Variants in DMXL2 observed in about 807,000 individuals in gnomAD.
The protein encoded by DMXL2 is dmX-like protein 2.
In DMXL2, 103 loss-of-function variants were observed where a neutral mutation model predicts 331.1. The ratio of observed to expected loss-of-function variants is 0.31; its 90% CI spans 0.27 to 0.37. The LOEUF is 0.37. Among genes scored for constraint, DMXL2 ranks in the 10% least tolerant of loss-of-function variants. The pLI is 1.00. For missense variants in DMXL2, 3,171 were observed against 3,642.9 expected (o/e 0.87, Z 3.33); for synonymous variants, 1,281 against 1,252.1 (o/e 1.02, Z -0.49).
At chr15:51,566,979 C>A (rs2050328151) in intron 3 of DMXL2, 1 of 150,688 alleles carries the variant, frequency 6.6e-6, no homozygotes, top group Non-Finnish European at 1.5e-5. Context: ...GGTAAGTGAG[C>A]TTTTTAAACT....
intron 1 of DMXL2, among the ~76,000 whole-genome samples, chr15:51,599,336 T>A (rs1370903057): frequency 1.3e-5 from 2 of 152,226 alleles, no homozygotes; most frequent in African/African-American, 4.8e-5. Context: ...CCAGTTGTGT[T>A]CACTGCTACA....
intron 1 of DMXL2, among the ~76,000 whole-genome samples, chr15:51,578,997 C>T (rs963865325): frequency 1.3e-5 from 2 of 152,098 alleles, no homozygotes; most frequent in East Asian, 3.9e-4. Context: ...CCCAGCTACT[C>T]GGGAAGCTGA....
chr15:51,481,264 AACTTCCATTGCCATC>A lies in DMXL2; in HGVS notation c.5827_5841del (p.Asp1943_Ser1947del), dbSNP rs606231461. 215 of 1,613,956 alleles carry A rather than the reference AACTTCCATTGCCATC, an allele frequency of 1.3e-4. 1 individual carries two copies. In the African/African-American group the frequency reaches 2.5e-3, roughly 19 times the overall value. ...GTTACATTTGACCATTCAATGCCAG[AACTTCCATTGCCATC>A]ACTCAGAGCTTTTGAATGTGAAGGT... On this transcript the variant is annotated inframe_deletion, in exon 24 of 44. Transcript: ENST00000560891.
At chr15:51,530,408 A>G (rs944051689) in intron 13 of DMXL2, among the ~76,000 whole-genome samples, 4 of 152,128 alleles carry the variant, frequency 2.6e-5, no homozygotes, top group African/African-American at 9.7e-5. Flanking sequence ...TACAAATACC[A>G]GTAGCATTTC....
intron 34 of DMXL2, 141 bp downstream of exon 34, chr15:51,459,457 T>C (rs548067221): frequency 2.2e-4 from 119 of 537,324 alleles, no homozygotes; most frequent in Non-Finnish European, 4.9e-5. Flanking sequence ...TCTCCTCCCC[T>C]GTGCCACTGA....
chr15:51,448,589 A>T lies in DMXL2; in HGVS notation c.*395T>A, dbSNP rs1442036469. 7.9e-6 allele frequency: 2 copies of T among 253,836 alleles called. No individual in the cohort carries two copies. The highest frequency in any genetic ancestry group is 1.6e-5 in the Non-Finnish European group (2 of 128,920). 15.7% of individuals were successfully genotyped at this position (253,836 alleles called of 1,614,324 possible). On this transcript the variant is annotated 3_prime_UTR_variant, in exon 44 of 44. Transcript: ENST00000560891. ...ATTATCCTTCATTCAACAGAGGAGG[A>T]GACTGCAGGCATGCTTCAGTCAGTG...
intron 40 of DMXL2, chr15:51,454,132 T>G (rs2039402840): frequency 6.4e-6 from 1 of 156,136 alleles, no homozygotes. Context: ...CATTTCTGCA[T>G]AGACAAGGTA....
intron 1 of DMXL2, among the ~76,000 whole-genome samples, chr15:51,590,768 C>T (rs1391756377): frequency 6.6e-6 from 1 of 152,104 alleles, no homozygotes; most frequent in East Asian, 1.9e-4. Context: ...GTCTGTTGAG[C>T]AGTTACTCTA....
At position 51,450,101 on chromosome 15, in the gene DMXL2, C is replaced by T. The variant is rs757379229; in HGVS notation, c.8967+28G>A. 3.1e-6 allele frequency: 5 copies of T among 1,599,048 alleles called. No individual in the cohort carries two copies. In the African/African-American group the frequency reaches 6.7e-5, roughly 21 times the overall value. On this transcript the variant is annotated intron_variant, in intron 43 of 43. Coordinates refer to ENST00000560891, the MANE Select transcript of DMXL2 (RefSeq NM_001378457.1). ...TTTTCTCTTTCCAATCAGTCTTTAG[C>T]ACATTCCAACCTCTTGTACTGACTC...
intron 19 of DMXL2, among the ~76,000 whole-genome samples, chr15:51,494,263 C>A (rs563216333): frequency 1.6e-3 from 241 of 152,246 alleles, no homozygotes; most frequent in African/African-American, 5.5e-3. Context: ...TTTCAAAGAA[C>A]ATTCATAGGT....
chr15:51,607,442 C>T (rs983775725), intron 1 of DMXL2, among the ~76,000 whole-genome samples: 4 of 151,176 alleles, frequency 2.6e-5, no homozygotes, highest in African/African-American at 7.3e-5. Context: ...AGCGACAGAG[C>T]GAGACTCCGT....
Position 51,596,955 on chromosome 15 carries a change from A to G in DMXL2, c.88-20774T>C, listed in dbSNP as rs917073623. Among the ~76,000 whole-genome samples, 55 of 152,288 alleles carry G rather than the reference A, an allele frequency of 3.6e-4. 1 individual carries two copies. The highest frequency in any genetic ancestry group is 7.8e-4 in the Non-Finnish European group (53 of 68,026). ...AGGAGGGGGGTGGGATAGCATTAGG[A>G]GATATACCTAATGTTAAATGACAAG... On this transcript the variant is annotated intron_variant, in intron 1 of 43. Coordinates refer to ENST00000560891, the MANE Select transcript of DMXL2 (RefSeq NM_001378457.1).
chr15:51,458,065 A>C (rs189970049), intron 36 of DMXL2: 1 of 156,602 alleles, frequency 6.4e-6, no homozygotes, highest in Non-Finnish European at 1.4e-5. Flanking sequence ...TAAGAATGGC[A>C]AAACACTCTT....
chr15:51,595,745 G>A (rs1253247726), intron 1 of DMXL2, among the ~76,000 whole-genome samples: 1 of 152,148 alleles, frequency 6.6e-6, no homozygotes, highest in Non-Finnish European at 1.5e-5. Context: ...GAACAGAACA[G>A]AGCCCTCAGA....
intron 17 of DMXL2, among the ~76,000 whole-genome samples, 185 bp downstream of exon 17, chr15:51,502,621 C>T (rs1159647094): frequency 6.6e-6 from 1 of 152,036 alleles, no homozygotes; most frequent in East Asian, 1.9e-4. Flanking sequence ...CCGCACCCAG[C>T]CAGGAAATTA....
chr15:51,516,963 G>A (rs2047069795), intron 14 of DMXL2, 115 bp downstream of exon 14: 1 of 804,796 alleles, frequency 1.2e-6, no homozygotes, highest in South Asian at 1.7e-5. Flanking sequence ...AACATAAGTT[G>A]TCTGCATTTA....
chr15:51,526,129 GGA>G (rs2047660051), intron 13 of DMXL2, among the ~76,000 whole-genome samples: 1 of 134,728 alleles, frequency 7.4e-6, no homozygotes, highest in African/African-American at 2.7e-5. Context: ...GGAGGGGGAA[GGA>G]GAGAGAGGGA....
chr15:51,480,479 T>C (rs2041932227), intron 24 of DMXL2, 63 bp downstream of exon 24: 3 of 1,464,956 alleles, frequency 2.0e-6, no homozygotes, highest in South Asian at 1.6e-5. Flanking sequence ...TTTATAGCTA[T>C]AACTGGAAGA....
At position 51,499,077 on chromosome 15, in the gene DMXL2, T is replaced by TA. The variant is rs757964709; in HGVS notation, c.4146dup (p.Arg1383Ter). 6.2e-7 allele frequency: 1 copy of TA among 1,613,944 alleles called. No individual in the cohort carries two copies. Among genetic ancestry groups the TA allele is most frequent in the South Asian group, 1.1e-5 (1 of 91,078 alleles). The stretch of plus-strand genomic sequence containing the variant: ...GTTCCTTCTCCAGCATCAGGATCTC[T>TA]AACTATTGCTACTTCACCTGCAATA... On this transcript the variant is annotated frameshift_variant, in exon 18 of 44. Transcript: ENST00000560891. LOFTEE classifies it high-confidence loss of function.
Sources: gnomAD v4.1 joint callset for allele counts (sites outside exome capture counted in the v4.1 genomes callset) on GRCh38, gnomAD v4.1.1 for gene constraint, MANE v1.5 for transcripts, NCBI Gene and HGNC (gene_info 2026-07-23, HGNC 2026-07-21) for gene names.